Variants in POLR2F observed in about 807,000 individuals in gnomAD.
POLR2F encodes the protein DNA-directed RNA polymerases I, II, and III subunit RPABC2.
POLR2F carries 12 observed loss-of-function variants against 22.7 expected under a neutral mutation model. That is an observed-to-expected ratio of 0.53 (90% CI 0.34 to 0.86). The LOEUF (loss-of-function observed/expected upper bound fraction) is 0.86. POLR2F is among the 40% of genes least tolerant of loss of function. POLR2F has a pLI of 0.02. For synonymous variants in POLR2F, 57 were observed against 66.0 expected (o/e 0.86, Z 0.66); for missense variants, 126 against 171.5 (o/e 0.73, Z 1.48).
At chr22:37,970,020 G>A (rs554067494), downstream of POLR2F, among the ~76,000 whole-genome samples, 7 of 152,148 alleles carry the variant, frequency 4.6e-5, no homozygotes, top group East Asian at 1.9e-4. Context: ...ATAGCTGGGC[G>A]TGGTGGCTCA....
intron 1 of POLR2F, among the ~76,000 whole-genome samples, chr22:38,022,966 G>A (rs558867584): frequency 6.6e-6 from 1 of 152,300 alleles, no homozygotes; most frequent in South Asian, 2.1e-4. Context: ...AGCCAAGATC[G>A]TGCCATTGCA....
Position 37,993,039 on chromosome 22 carries a change from A to G in POLR2F, c.120+6727A>G, listed in dbSNP as rs115011198. Reference sequence around the variant, plus strand: ...CTAGACACTAGGCAACATGGTGCAGACATGCATGAGGATTAAGAGAGTGGG... The same window carrying G: ...CTAGACACTAGGCAACATGGTGCAGGCATGCATGAGGATTAAGAGAGTGGG... On this transcript the variant is annotated intron_variant, in intron 1 of 2. Coordinates refer to the POLR2F transcript ENST00000333418. 2.6e-3 allele frequency among the ~76,000 whole-genome samples: 396 copies of G among 152,266 alleles called. 1 individual carries two copies. The highest frequency in any genetic ancestry group is 9.1e-3 in the African/African-American group (377 of 41,552).
At position 37,953,752 on chromosome 22, in the gene POLR2F, A is replaced by C; in HGVS notation, c.-36A>C. ...CGCTGTTTGCGGGTCTCCGCGCGGG[A>C]CCGGGGCGCAGCGGGGTCGCTGAGG... On this transcript the variant is annotated 5_prime_UTR_variant, in exon 1 of 5. Coordinates refer to ENST00000442738, the MANE Select transcript of POLR2F (RefSeq NM_021974.5). 2.5e-6 allele frequency: 4 copies of C among 1,602,376 alleles called. No individual in the cohort carries two copies. The highest frequency in any genetic ancestry group is 3.4e-6 in the Non-Finnish European group (4 of 1,177,062).
intron 5 of POLR2F, among the ~76,000 whole-genome samples, chr22:38,034,711 C>A (rs913522002): frequency 6.6e-6 from 1 of 152,214 alleles, no homozygotes; most frequent in African/African-American, 2.4e-5. Flanking sequence ...GGAGACCTGT[C>A]AGCCTGGGCT....
At chr22:37,991,553 A>G (rs1246527949) in intron 1 of POLR2F, among the ~76,000 whole-genome samples, 1 of 152,196 alleles carries the variant, frequency 6.6e-6, no homozygotes, top group East Asian at 1.9e-4. Flanking sequence ...TTAATTTATT[A>G]TTCTATTATT....
Position 37,986,991 on chromosome 22 carries a change from G to A in POLR2F, c.120+679G>A. The A allele has an allele frequency of 2.2e-6, 1 of 453,956 alleles. No individual in the cohort carries two copies. The allele number at this position is 453,956 out of a possible 1,614,324, so 28.1% of individuals were successfully genotyped here. ...ACCTTCTCCTCCTTTCCCTGCTGGG[G>A]GTGGCAGGGGTCCCTTTACCCCCTC... is the stretch of plus-strand genomic sequence containing the variant. On this transcript the variant is annotated intron_variant, in intron 1 of 2. Transcript: ENST00000333418. This position sits in a 1 kb window ranked among gnomAD's most constrained non-coding sequence, Gnocchi z 4.7.
At position 37,986,422 on chromosome 22, in the gene POLR2F, G is replaced by A. The variant is rs1473490882; in HGVS notation, c.120+110G>A. 2.0e-6 allele frequency: 3 copies of A among 1,532,278 alleles called. No individual in the cohort carries two copies. In the Admixed American group the frequency reaches 5.9e-5, roughly 30 times the overall value. The allele number at this position is 1,532,278 out of a possible 1,614,324, so 94.9% of individuals were successfully genotyped here. ...CCTGAGACCCGCCTGGGGCAGGAGG[G>A]GTGGTTGTGGAAGGAAAGAGCCCAG... On this transcript the variant is annotated intron_variant, in intron 1 of 2. Transcript: ENST00000333418. The surrounding 1 kb of genome is among the most constrained non-coding windows in gnomAD (Gnocchi z 4.7).
chr22:37,977,257 C>G (rs1932247776), intron 4 of POLR2F, among the ~76,000 whole-genome samples: 1 of 151,492 alleles, frequency 6.6e-6, no homozygotes, highest in African/African-American at 2.4e-5. Context: ...ACCATCCTGT[C>G]TTCTCCCCCT....
chr22:38,014,086 C>T (rs1197276371), intron 1 of POLR2F, among the ~76,000 whole-genome samples: 2 of 143,194 alleles, frequency 1.4e-5, no homozygotes, highest in Non-Finnish European at 3.0e-5. Flanking sequence ...CACGCCATTG[C>T]ACTCCAGCCT....
chr22:37,972,127 G>C (rs1601877343), downstream of POLR2F: 4 of 365,168 alleles, frequency 1.1e-5, 1 homozygote, highest in African/African-American at 5.6e-5. Flanking sequence ...GAGAAGGGAG[G>C]GGGGAGAGAG....
intron 1 of POLR2F, among the ~76,000 whole-genome samples, chr22:38,005,296 T>G (rs1372652487): frequency 2.0e-5 from 3 of 152,178 alleles, no homozygotes; most frequent in Non-Finnish European, 4.4e-5. Flanking sequence ...CCAATTTTTG[T>G]TTTGTTTTAG....
In POLR2F at chr22:37,978,407, CCT is replaced by C. The variant is rs1932291445; in HGVS notation, c.293+11238_293+11239del. 6.6e-6 allele frequency among the ~76,000 whole-genome samples: 1 copy of C among 152,148 alleles called. No homozygotes were observed. The highest frequency in any genetic ancestry group is 1.5e-5 in the Non-Finnish European group (1 of 68,022). On this transcript the variant is annotated intron_variant, in intron 4 of 4. Transcript: ENST00000405557. The surrounding 1 kb of genome is among the most constrained non-coding windows in gnomAD (Gnocchi z 5.0). Reference sequence around the variant, plus strand: ...GGTCAGCCCGCTGCTCCTGGCAGCCCCTGAGGAGGAGTTAGAAGTAGGAGTAG... The same window carrying C: ...GGTCAGCCCGCTGCTCCTGGCAGCCCGAGGAGGAGTTAGAAGTAGGAGTAG...
intron 1 of POLR2F, among the ~76,000 whole-genome samples, chr22:38,015,095 C>T (rs763611845): frequency 9.9e-5 from 15 of 152,250 alleles, no homozygotes; most frequent in South Asian, 2.1e-4. Context: ...CATGAGCCAC[C>T]GCACCCGGCC....
At chr22:37,955,474 G>A (rs1931351684) in intron 1 of POLR2F, among the ~76,000 whole-genome samples, 1 of 151,356 alleles carries the variant, frequency 6.6e-6, no homozygotes, top group South Asian at 2.1e-4. Flanking sequence ...AGGAGGCAGA[G>A]GTTGCAGTGA....
intron 1 of POLR2F, among the ~76,000 whole-genome samples, chr22:38,020,580 A>T (rs1203887215): frequency 5.3e-5 from 8 of 151,802 alleles, no homozygotes. Flanking sequence ...TCTACTAAAA[A>T]TTAAAAGAAA....
chr22:38,018,696 A>G (rs1379874223), intron 1 of POLR2F, among the ~76,000 whole-genome samples: 4 of 152,162 alleles, frequency 2.6e-5, no homozygotes. Context: ...AGAGTCCACC[A>G]AAGTTTTCTA....
chr22:37,986,083 T>C, upstream of POLR2F: 1 of 1,449,574 alleles, frequency 6.9e-7, no homozygotes, highest in South Asian at 1.4e-5. The surrounding 1 kb of genome is among the most constrained non-coding windows in gnomAD (Gnocchi z 4.7). Flanking sequence ...CAGTGAGCTG[T>C]CTTTGTTCGA....
At chr22:37,992,764 C>T (rs989770068) in intron 1 of POLR2F, among the ~76,000 whole-genome samples, 5 of 152,178 alleles carry the variant, frequency 3.3e-5, no homozygotes, top group Non-Finnish European at 5.9e-5. Context: ...AGATGTTCCC[C>T]GTCTGCTCCC....
chr22:37,953,829 C>T, intron 1 of POLR2F, 22 bp downstream of exon 1: 4 of 1,606,490 alleles, frequency 2.5e-6, no homozygotes, highest in East Asian at 2.3e-5. Context: ...AGCGGAGTGG[C>T]CTTTGCGGCA....
Sources: allele counts gnomAD v4.1 joint callset (sites outside exome capture counted in the v4.1 genomes callset), GRCh38; gene constraint gnomAD v4.1.1; non-coding constraint Gnocchi (gnomAD v3.1); transcripts MANE v1.5; gene names NCBI Gene and HGNC (gene_info 2026-07-23, HGNC 2026-07-21).